Variants in KIF21B observed in about 807,000 individuals in gnomAD.
KIF21B encodes kinesin family member 21B.
Under a neutral mutation model 192.9 loss-of-function variants are expected in KIF21B, and 85 were observed. The ratio of observed to expected loss-of-function variants is 0.44; its 90% CI spans 0.37 to 0.53. The LOEUF is 0.53. KIF21B is among the 20% of genes least tolerant of loss of function. The pLI is 0.00. For missense variants in KIF21B, 1,716 were observed against 2,194.8 expected (o/e 0.78, Z 4.36); for synonymous variants, 832 against 884.6 (o/e 0.94, Z 1.05).
At chr1:201,013,721 A>T (rs1464830466) in intron 1 of KIF21B, among the ~76,000 whole-genome samples, 1 of 152,224 alleles carries the variant, frequency 6.6e-6, no homozygotes, top group Non-Finnish European at 1.5e-5. Context: ...GACTAGGGTG[A>T]GGCATTGACC....
In KIF21B at chr1:201,002,344, G is replaced by C; in HGVS notation, c.1219C>G (p.Arg407Gly). ...MELMEYKAGK[R>G]VIGEDGAEGY... ...TCAGCGCCATCCTCTCCTATCACTC[G>C]CTTGCCCTGGGAGCAGGGGCAAAGG... Residue 407 changes from arginine to glycine, a missense_variant, in exon 9 of 35, where the codon CGA becomes GGA. By Grantham distance (125) the Arg-to-Gly change is moderately radical (BLOSUM62 -2). Transcript: ENST00000461742. 6.2e-7 allele frequency: 1 copy of C among 1,612,200 alleles called. No individual in the cohort carries two copies. Among genetic ancestry groups the C allele is most frequent in the Non-Finnish European group, 8.5e-7 (1 of 1,178,406 alleles).
Position 201,023,335 on chromosome 1 carries a change from G to T in KIF21B, c.41+8C>A. 1 of 1,528,940 alleles carries T rather than the reference G, an allele frequency of 6.5e-7. No homozygotes were observed. 94.7% of individuals were successfully genotyped at this position (1,528,940 alleles called of 1,614,324 possible). A position where few individuals can be genotyped will look rare whatever the true frequency, so the allele number is the denominator to read the frequency against. The stretch of plus-strand genomic sequence containing the variant: ...CCGCGCGCCCCCTTCCCCGCCCCGG[G>T]TCCCTACCTGACGGCCACCTTGACG... On this transcript the variant is annotated splice_region_variant and intron_variant, in intron 1 of 34. Transcript: ENST00000461742. This position sits in a 1 kb window ranked among gnomAD's most constrained non-coding sequence, Gnocchi z 5.9.
At position 201,000,418 on chromosome 1, in the gene KIF21B, T is replaced by A; in HGVS notation, c.1657A>T (p.Lys553Ter). Residue 553 changes from lysine to a stop codon, truncating the protein, a stop_gained, in exon 11 of 35, where the codon AAG becomes TAG. Transcript: ENST00000461742. LOFTEE classifies it high-confidence loss of function. This position sits in a 1 kb window ranked among gnomAD's most constrained non-coding sequence, Gnocchi z 6.0. Reference sequence around the variant, plus strand: ...TTCCTCCGCTGCCTGACCTCCTTCTTCTTTAGCCGCTCCAGGTCCTGCTTG... The same window carrying A: ...TTCCTCCGCTGCCTGACCTCCTTCTACTTTAGCCGCTCCAGGTCCTGCTTG... Reference protein sequence around the residue: ...RAKQDLERLKKKEVRQRRKSP... With the variant: ...RAKQDLERLK 3 of 1,562,682 alleles carry A rather than the reference T, an allele frequency of 1.9e-6. No individual in the cohort carries two copies. Among genetic ancestry groups the A allele is most frequent in the Non-Finnish European group, 2.6e-6 (3 of 1,159,586 alleles).
chr1:200,982,760 G>A lies in KIF21B; in HGVS notation c.3842+296C>T, dbSNP rs929249249. ...AGCATCCCCTAGGCCTCCATGCTGCGCCCCTCCCTGCCCAGGTGAGGAGGG... is the reference window on the plus strand; with the variant it reads ...AGCATCCCCTAGGCCTCCATGCTGCACCCCTCCCTGCCCAGGTGAGGAGGG... On this transcript the variant is annotated intron_variant, in intron 28 of 34. Transcript: ENST00000461742. This position sits in a 1 kb window ranked among gnomAD's most constrained non-coding sequence, Gnocchi z 4.7. Among the ~76,000 whole-genome samples, 49 of 152,262 alleles carry A rather than the reference G, an allele frequency of 3.2e-4. No individual in the cohort carries two copies. Among genetic ancestry groups the A allele is most frequent in the Middle Eastern group, 3.4e-3 (1 of 294 alleles).
rs747716944 is a variant in KIF21B, at chr1:200,990,902, G to A, written c.2687+15C>T. 1 of 1,613,754 alleles carries A rather than the reference G, an allele frequency of 6.2e-7. No homozygotes were observed. Among genetic ancestry groups the A allele is most frequent in the Admixed American group, 1.7e-5 (1 of 60,024 alleles). On this transcript the variant is annotated intron_variant, in intron 18 of 34. Coordinates refer to ENST00000461742, the MANE Select transcript of KIF21B (RefSeq NM_001252102.2). The surrounding 1 kb of genome is among the most constrained non-coding windows in gnomAD (Gnocchi z 5.4). Reference sequence around the variant, plus strand: ...CTCTGCCTGCACAGGCCAGGGGACTGCCAGTCCACCTTACCGGGCAGGACG... The same window carrying A: ...CTCTGCCTGCACAGGCCAGGGGACTACCAGTCCACCTTACCGGGCAGGACG...
intron 26 of KIF21B, among the ~76,000 whole-genome samples, chr1:200,985,831 CTT>C (rs760489373): frequency 9.4e-6 from 1 of 106,394 alleles, no homozygotes. Flanking sequence ...CTTCCCTTCC[CTT>C]TTTTTTTTTT....
intron 22 of KIF21B, 78 bp downstream of exon 22, chr1:200,988,688 G>A (rs1415224110): frequency 1.9e-6 from 3 of 1,539,096 alleles, no homozygotes; most frequent in Non-Finnish European, 2.6e-6. Context: ...CTGGGGAAGT[G>A]AGGGCCTTGT....
intron 24 of KIF21B, 75 bp from the exon 25 acceptor site, chr1:200,987,276 ATT>A (rs952289471): frequency 9.5e-4 from 1,026 of 1,076,950 alleles, no homozygotes; most frequent in Non-Finnish European, 1.1e-3. Context: ...GGGAAATTCT[ATT>A]TTTTTTTTTT....
Position 201,020,844 on chromosome 1 carries a change from A to C in KIF21B, c.41+2499T>G, listed in dbSNP as rs887370543. Among the ~76,000 whole-genome samples, 6 of 89,472 alleles carry C rather than the reference A, an allele frequency of 6.7e-5. No homozygotes were observed. The South Asian group carries it at 1.7e-3, about 26-fold the overall frequency. 58.7% of individuals were successfully genotyped at this position (89,472 alleles called of 152,430 possible). A position where few individuals can be genotyped will look rare whatever the true frequency, so the allele number is the denominator to read the frequency against. Reference sequence around the variant, plus strand: ...ACACACACACACACACACACACACAATCAGACCACACCTGTCTCATTCCTG... The same window carrying C: ...ACACACACACACACACACACACACACTCAGACCACACCTGTCTCATTCCTG... On this transcript the variant is annotated intron_variant, in intron 1 of 34. Transcript: ENST00000461742.
intron 1 of KIF21B, among the ~76,000 whole-genome samples, chr1:201,014,551 G>A (rs1202018003): frequency 1.3e-5 from 2 of 152,202 alleles, no homozygotes; most frequent in Admixed American, 6.5e-5. Context: ...ACCCTCTCCC[G>A]CGGGCTTAGG....
intron 3 of KIF21B, among the ~76,000 whole-genome samples, chr1:201,007,607 G>A (rs910068690): frequency 4.6e-5 from 6 of 131,494 alleles, no homozygotes; most frequent in African/African-American, 1.8e-4. Flanking sequence ...GACACACACA[G>A]AGATACACAC....
intron 26 of KIF21B, among the ~76,000 whole-genome samples, chr1:200,985,331 T>C (rs1015408882): frequency 6.6e-6 from 1 of 151,786 alleles, no homozygotes; most frequent in African/African-American, 2.4e-5. Flanking sequence ...CTACAAAAAG[T>C]AAAAAAATTA....
rs1656625989 is a variant in KIF21B, at chr1:200,990,648, T to C, written c.2763A>G (p.Arg921=). 1 of 1,614,136 alleles carries C rather than the reference T, an allele frequency of 6.2e-7. No individual in the cohort carries two copies. The highest frequency in any genetic ancestry group is 1.1e-5 in the South Asian group (1 of 91,084). The change falls in exon 19 of 35, where the codon CGA becomes CGG. Residue 921 remains arginine, a synonymous_variant. Transcript: ENST00000461742. The surrounding 1 kb of genome is among the most constrained non-coding windows in gnomAD (Gnocchi z 5.4). ...AARLKWQSLE[R]RIIDIVMQRM... is the part of the protein sequence containing the mutation. Reference sequence around the variant, plus strand: ...TCTGCATGACGATGTCAATGATCCGTCGCTCCAGGGACTGCCACTTGAGCC... The same window carrying C: ...TCTGCATGACGATGTCAATGATCCGCCGCTCCAGGGACTGCCACTTGAGCC...
Position 200,999,685 on chromosome 1 carries a change from G to A in KIF21B, c.1767+198C>T, listed in dbSNP as rs1039905622. Among the ~76,000 whole-genome samples, 1 of 150,188 alleles carries A rather than the reference G, an allele frequency of 6.7e-6. No individual in the cohort carries two copies. The highest frequency in any genetic ancestry group is 2.5e-5 in the African/African-American group (1 of 40,582). Reference sequence around the variant, plus strand: ...GAGGGCCTCCCCACCTGCATCATCCGTTTGGGATGAGGTGGGGTCCTAGGG... The same window carrying A: ...GAGGGCCTCCCCACCTGCATCATCCATTTGGGATGAGGTGGGGTCCTAGGG... On this transcript the variant is annotated intron_variant, in intron 12 of 34. Transcript: ENST00000461742. The surrounding 1 kb of genome is among the most constrained non-coding windows in gnomAD (Gnocchi z 4.7).
At position 200,975,583 on chromosome 1, in the gene KIF21B, G is replaced by A. The variant is rs150393728; in HGVS notation, c.4530C>T (p.Leu1510=). 2.9e-5 allele frequency: 46 copies of A among 1,613,942 alleles called. No individual in the cohort carries two copies. The highest frequency in any genetic ancestry group is 2.3e-4 in the African/African-American group (17 of 74,944). The change falls in exon 33 of 35, where the codon CTC becomes CTT. Residue 1510 remains leucine, a synonymous_variant. Transcript: ENST00000461742. This position sits in a 1 kb window ranked among gnomAD's most constrained non-coding sequence, Gnocchi z 4.3. The part of the protein sequence containing the change: ...EPPHYDGIEC[L]AIQGDILFSG... ...TGAACAGGATGTCTCCCTGGATGGC[G>A]AGACACTCGATGCCATCGTAGTGCG...
In KIF21B at chr1:200,974,847, G is replaced by A. The variant is rs774513349; in HGVS notation, c.4681C>T (p.Leu1561Phe). 2 of 1,614,236 alleles carry A rather than the reference G, an allele frequency of 1.2e-6. No individual in the cohort carries two copies. The highest frequency in any genetic ancestry group is 2.2e-5 in the East Asian group (1 of 44,892). ...ATGACACCCGCACGGCAGGCGCTGA[G>A]CAGCATGGGGCGGCCCGGGATGAAG... ...LAFIPGRPML[L>F]SACRAGVIKV... Residue 1561 changes from leucine to phenylalanine, a missense_variant, in exon 34 of 35, where the codon CTC becomes TTC. Around this residue, in one of 3 missense-constraint regions of KIF21B, gnomAD observed 580 missense variants for 775.5 expected, o/e 0.75. Coordinates refer to ENST00000461742, the MANE Select transcript of KIF21B (RefSeq NM_001252102.2).
rs774615602 is a variant in KIF21B at position 201,008,797 on chromosome 1, T to G, written c.419A>C (p.Glu140Ala). 1 of 1,603,170 alleles carries G rather than the reference T, an allele frequency of 6.2e-7. No homozygotes were observed. The highest frequency in any genetic ancestry group is 8.5e-7 in the Non-Finnish European group (1 of 1,179,578). The change falls in exon 3 of 35, where the codon GAG (glutamate) becomes GCG (alanine). Residue 140 changes from glutamate (E) to alanine (A), a missense_variant. This residue lies in a region of KIF21B where 1,087 missense variants were observed against 1,316.6 expected (regional missense o/e 0.83). Coordinates refer to ENST00000461742, the MANE Select transcript of KIF21B (RefSeq NM_001252102.2). Reference sequence around the variant, plus strand: ...CAGAAACTGGGCGCTGACTTTGAACTCAGGTCCAGCCACGCCCTGCTCCTG... The same window carrying G: ...CAGAAACTGGGCGCTGACTTTGAACGCAGGTCCAGCCACGCCCTGCTCCTG... Reference protein sequence around the residue: ...RAQEQGVAGPEFKVSAQFLEL... With the variant: ...RAQEQGVAGPAFKVSAQFLEL...
intron 1 of KIF21B, among the ~76,000 whole-genome samples, chr1:201,019,250 A>T (rs944125212): frequency 1.8e-4 from 27 of 150,360 alleles, no homozygotes; most frequent in South Asian, 1.1e-3. Flanking sequence ...CATTTTTTTT[A>T]AAAAAACATT....
At chr1:201,009,892 G>A (rs1176355568) in intron 1 of KIF21B, among the ~76,000 whole-genome samples, 1 of 152,222 alleles carries the variant, frequency 6.6e-6, no homozygotes, top group Non-Finnish European at 1.5e-5. Context: ...GTCCAGGTCT[G>A]TCTGACATAA....
Sources: allele counts gnomAD v4.1 joint callset (sites outside exome capture counted in the v4.1 genomes callset), GRCh38; gene constraint gnomAD v4.1.1; regional missense constraint gnomAD v4.1.1; non-coding constraint Gnocchi (gnomAD v3.1); transcripts MANE v1.5; gene names NCBI Gene and HGNC (gene_info 2026-07-23, HGNC 2026-07-21).